Variants in ASZ1 observed in about 807,000 individuals in gnomAD.
ASZ1 encodes ankyrin repeat, SAM and basic leucine zipper domain containing 1, also known as ankyrin repeat, SAM and basic leucine zipper domain-containing protein 1.
In ASZ1, 67 loss-of-function variants were observed where a neutral mutation model predicts 61.8. The observed-to-expected ratio is 1.08, with a 90% confidence interval of 0.89 to 1.33. The LOEUF is 1.33. Ranked by LOEUF, ASZ1 falls within the 40% of genes most tolerant of loss-of-function variation. The pLI, the probability that ASZ1 is intolerant of heterozygous loss-of-function variation, is 0.00. For missense variants in ASZ1, 577 were observed against 554.5 expected (o/e 1.04, Z -0.41); for synonymous variants, 193 against 192.7 (o/e 1.00, Z -0.01).
Position 117,382,129 on chromosome 7 carries a change from A to C in ASZ1, c.828T>G (p.Phe276Leu), listed in dbSNP as rs1172770467. Residue 276 changes from phenylalanine (F) to leucine (L), a missense_variant, in exon 8 of 13, where the codon TTT becomes TTG. Phe to Leu is a conservative substitution (Grantham distance 22). Transcript: ENST00000284629. ...CATGTAAAAATACTTCCAGATCTCC[A>C]AATGCTGTATATGAACTGTATACAT... ...KDHIFSSYTA[F>L]GDLEVFLHGL... 1 of 1,595,618 alleles carries C rather than the reference A, an allele frequency of 6.3e-7. No individual in the cohort carries two copies. The highest frequency in any genetic ancestry group is 8.6e-7 in the Non-Finnish European group (1 of 1,163,838).
At position 117,379,949 on chromosome 7, in the gene ASZ1, C is replaced by A. The variant is rs768722711; in HGVS notation, c.1044G>T (p.Lys348Asn). Residue 348 changes from lysine to asparagine, a missense_variant, in exon 10 of 13, where the codon AAG becomes AAT. Transcript: ENST00000284629. Reference sequence around the variant, plus strand: ...TAAGTTAATTTTACCTGATTTCCAACTTTGTCTCTTCAGATAGCTCTCCAA... The same window carrying A: ...TAAGTTAATTTTACCTGATTTCCAAATTTGTCTCTTCAGATAGCTCTCCAA... The part of the protein sequence containing the change: ...IQFGELSEET[K>N]LEISGDEFLN... 1.3e-6 allele frequency: 2 copies of A among 1,587,530 alleles called. No homozygotes were observed. Among genetic ancestry groups the A allele is most frequent in the African/African-American group, 1.3e-5 (1 of 74,230 alleles).
intron 10 of ASZ1, among the ~76,000 whole-genome samples, chr7:117,379,532 G>A (rs1285938463): frequency 2.0e-5 from 3 of 151,700 alleles, no homozygotes; most frequent in African/African-American, 7.2e-5. Context: ...CAGTAAGGCT[G>A]AAAATAGAAC....
At chr7:117,426,733 T>C (rs1797224210) in intron 2 of ASZ1, 103 bp downstream of exon 2, 1 of 1,000,608 alleles carries the variant, frequency 1.0e-6, no homozygotes, top group East Asian at 2.5e-5. Context: ...CATTAACATT[T>C]GTTGCGTTTC....
chr7:117,425,259 C>CTT (rs71148368), intron 2 of ASZ1, among the ~76,000 whole-genome samples: 14,482 of 93,380 alleles, frequency 0.16, 2,996 homozygotes, highest in East Asian at 0.41. Context: ...TGAGTAATTT[C>CTT]TTTTTTTTTT....
In ASZ1 at chr7:117,368,726, A is replaced by C. The variant is rs769015711; in HGVS notation, c.1056-9T>G. ...TGAGGAACTCATCACCACTAAAGAA[A>C]GGAAACAAACAAACAAGCAGGAATT... is the stretch of plus-strand genomic sequence containing the variant. On this transcript the variant is annotated splice_polypyrimidine_tract_variant and intron_variant, in intron 10 of 12. Coordinates refer to ENST00000284629, the MANE Select transcript of ASZ1 (RefSeq NM_130768.3). The C allele has an allele frequency of 3.1e-6, 5 of 1,609,630 alleles. No individual in the cohort carries two copies. The East Asian group carries it at 1.1e-4, about 36-fold the overall frequency.
At chr7:117,392,848 C>CTTT (rs761543858) in intron 4 of ASZ1, among the ~76,000 whole-genome samples, 1 of 139,030 alleles carries the variant, frequency 7.2e-6, no homozygotes, top group Non-Finnish European at 1.6e-5. Flanking sequence ...TAAGATATAT[C>CTTT]TTTTTTTTTT....
chr7:117,370,585 A>T (rs1796029912), intron 10 of ASZ1, among the ~76,000 whole-genome samples: 1 of 152,184 alleles, frequency 6.6e-6, no homozygotes, highest in Non-Finnish European at 1.5e-5. Context: ...CTATTAACAG[A>T]GAATTCAGAG....
intron 10 of ASZ1, among the ~76,000 whole-genome samples, chr7:117,376,160 T>C (rs930995038): frequency 2.6e-5 from 4 of 152,046 alleles, no homozygotes; most frequent in Admixed American, 6.6e-5. Context: ...AAAGAGTAGC[T>C]GGAAATACTA....
intron 2 of ASZ1, among the ~76,000 whole-genome samples, chr7:117,423,944 A>T (rs1414042079): frequency 6.6e-6 from 1 of 152,062 alleles, no homozygotes; most frequent in African/African-American, 2.4e-5. Flanking sequence ...TCTAATATTT[A>T]ACATAAATTA....
chr7:117,364,832 A>C (rs1294256047), intron 12 of ASZ1, among the ~76,000 whole-genome samples: 10 of 152,068 alleles, frequency 6.6e-5, no homozygotes, highest in Admixed American at 6.5e-4. Flanking sequence ...CCATTTACTG[A>C]ATCCTGAGAC....
Position 117,363,548 on chromosome 7 carries a change from G to T in ASZ1, c.*48C>A. ...CAAACAGTTAAAAGCAATGATTTTT[G>T]GATGGTTCAATAAGATGTGTATATA... On this transcript the variant is annotated 3_prime_UTR_variant, in exon 13 of 13. Coordinates refer to ENST00000284629, the MANE Select transcript of ASZ1 (RefSeq NM_130768.3). 7.3e-7 allele frequency: 1 copy of T among 1,375,230 alleles called. No individual in the cohort carries two copies. 85.2% of individuals were successfully genotyped at this position (1,375,230 alleles called of 1,614,324 possible).
rs776130320 is a variant in ASZ1 at position 117,427,447 on chromosome 7, G to T, written c.14C>A (p.Ala5Glu). 6.2e-7 allele frequency: 1 copy of T among 1,613,776 alleles called. No individual in the cohort carries two copies. Among genetic ancestry groups the T allele is most frequent in the Middle Eastern group, 1.7e-4 (1 of 6,060 alleles). MAAS[A>E]LRGLPVAGGG... ...GCCAGCCACTGGCAGGCCTCGCAGCGCGCTCGCCGCCATGCCAGCCAAGGA... is the reference window on the plus strand; with the variant it reads ...GCCAGCCACTGGCAGGCCTCGCAGCTCGCTCGCCGCCATGCCAGCCAAGGA... Residue 5 changes from alanine (A) to glutamate (E), a missense_variant, in exon 1 of 13, where the codon GCG becomes GAG. Ala to Glu is a moderately radical substitution (Grantham distance 107). Coordinates refer to ENST00000284629, the MANE Select transcript of ASZ1 (RefSeq NM_130768.3).
chr7:117,375,201 A>G (rs770152057), intron 10 of ASZ1, among the ~76,000 whole-genome samples: 20 of 152,080 alleles, frequency 1.3e-4, no homozygotes, highest in Non-Finnish European at 2.8e-4. Context: ...AGACAATCAT[A>G]TATCTAAAAG....
intron 4 of ASZ1, among the ~76,000 whole-genome samples, chr7:117,417,389 G>A (rs1211598079): frequency 6.6e-6 from 1 of 152,158 alleles, no homozygotes; most frequent in Non-Finnish European, 1.5e-5. Context: ...TTCATCTGAA[G>A]ATCTGTTTTT....
rs566303912 is a variant in ASZ1 at position 117,368,370 on chromosome 7, G to A, written c.1161+242C>T. The A allele has an allele frequency of 9.5e-6, 11 of 1,160,142 alleles. No homozygotes were observed. The Admixed American group carries it at 1.4e-4, about 15-fold the overall frequency. 71.9% of individuals were successfully genotyped at this position (1,160,142 alleles called of 1,614,324 possible). A position where few individuals can be genotyped will look rare whatever the true frequency, so the allele number is the denominator to read the frequency against. ...AGAACACATGGTAAATTCAATACAC[G>A]GATCAGTTTAATTTTTGGTCTGACT... On this transcript the variant is annotated intron_variant, in intron 11 of 12. Coordinates refer to ENST00000284629, the MANE Select transcript of ASZ1 (RefSeq NM_130768.3).
chr7:117,426,503 A>G (rs1433553982), intron 2 of ASZ1, among the ~76,000 whole-genome samples: 2 of 150,358 alleles, frequency 1.3e-5, no homozygotes, highest in Non-Finnish European at 3.0e-5. Flanking sequence ...AAAAAAAAAA[A>G]AAAAAAAGAA....
chr7:117,427,367 G>T lies in ASZ1; in HGVS notation c.94C>A (p.Arg32=). Residue 32 remains arginine, a synonymous_variant, in exon 1 of 13, where the codon CGG becomes AGG. Coordinates refer to ENST00000284629, the MANE Select transcript of ASZ1 (RefSeq NM_130768.3). ...GCCTCCTCCGCTACCTGAGACGTCCGGTCGAGATACCCAATCTCCCAGCCA... is the reference window on the plus strand; with the variant it reads ...GCCTCCTCCGCTACCTGAGACGTCCTGTCGAGATACCCAATCTCCCAGCCA... ...DDGWEIGYLD[R]TSQKLKRLLP... 1.9e-6 allele frequency: 3 copies of T among 1,614,186 alleles called. No homozygotes were observed. Among genetic ancestry groups the T allele is most frequent in the Non-Finnish European group, 2.5e-6 (3 of 1,180,006 alleles).
intron 4 of ASZ1, among the ~76,000 whole-genome samples, chr7:117,393,475 G>A (rs1169978081): frequency 2.6e-5 from 4 of 151,160 alleles, no homozygotes; most frequent in Non-Finnish European, 5.9e-5. Context: ...TTTTCTCTTT[G>A]GTCCCTTAAG....
intron 2 of ASZ1, among the ~76,000 whole-genome samples, chr7:117,425,425 C>T (rs1023302787): frequency 3.2e-4 from 49 of 151,808 alleles, no homozygotes; most frequent in African/African-American, 1.1e-3. Context: ...GCCACCACGC[C>T]CAGCTAATTT....
Sources: gnomAD v4.1 joint callset for allele counts (sites outside exome capture counted in the v4.1 genomes callset) on GRCh38, gnomAD v4.1.1 for gene constraint, MANE v1.5 for transcripts, NCBI Gene and HGNC (gene_info 2026-07-23, HGNC 2026-07-21) for gene names.